ZNF615: variants seen among roughly 807,000 people sequenced by gnomAD.
ZNF615 encodes zinc finger protein 615.
A neutral mutation model predicts 15.3 loss-of-function variants in ZNF615; 15 were observed. That is an observed-to-expected ratio of 0.98 (90% CI 0.66 to 1.51). The LOEUF (loss-of-function observed/expected upper bound fraction) is 1.51. Among genes scored for constraint, ZNF615 ranks in the 40% most tolerant of loss-of-function variants. The pLI, the probability that ZNF615 is intolerant of heterozygous loss-of-function variation, is 0.00. For missense variants in ZNF615, 848 were observed against 895.9 expected (o/e 0.95, Z 0.68); for synonymous variants, 268 against 294.6 (o/e 0.91, Z 0.92).
Position 52,002,201 on chromosome 19 carries a change from C to G in ZNF615, c.96G>C (p.Leu32=), listed in dbSNP as rs767957576. 1.9e-6 allele frequency: 3 copies of G among 1,614,222 alleles called. No homozygotes were observed. Among genetic ancestry groups the G allele is most frequent in the South Asian group, 2.2e-5 (2 of 91,090 alleles). ...AGTTCTCCAACATCACGTCCCGGTA[C>G]AGGTCCTTCTGAGCAGGGCTCAGGA... ...WQFLSPAQKD[L]YRDVMLENYS... Residue 32 remains leucine, a synonymous_variant, in exon 4 of 7, where the codon CTG becomes CTC. Coordinates refer to ENST00000598071, the MANE Select transcript of ZNF615 (RefSeq NM_001199324.2).
chr19:51,994,336 A>C lies in ZNF615; in HGVS notation c.773T>G (p.Leu258Arg). The change falls in exon 7 of 7, where the codon CTA becomes CGA. Residue 258 changes from leucine to arginine, a missense_variant. Leu to Arg is a moderately radical substitution (Grantham distance 102). Transcript: ENST00000598071. ...TGTATGAGTTCTCTGATGGTCCATTAGTCTGGATTTTCTGGAGAAAGCTTT... is the reference window on the plus strand; with the variant it reads ...TGTATGAGTTCTCTGATGGTCCATTCGTCTGGATTTTCTGGAGAAAGCTTT... Reference protein sequence around the residue: ...CGKAFSRKSRLMDHQRTHTEL... With the variant: ...CGKAFSRKSRRMDHQRTHTEL... 6.2e-7 allele frequency: 1 copy of C among 1,614,130 alleles called. No individual in the cohort carries two copies. The highest frequency in any genetic ancestry group is 1.1e-5 in the South Asian group (1 of 91,076).
rs775848108 is a variant in ZNF615, at chr19:51,994,795, T to C, written c.314A>G (p.Asn105Ser). The part of the protein sequence containing the change: ...IDDPLQHHLQ[N>S]QSIQKSVKQC... ...TTTCACACTCTTCTGAATACTTTGATTTTGCAAGTGATGCTGCAGAGGATC... is the reference window on the plus strand; with the variant it reads ...TTTCACACTCTTCTGAATACTTTGACTTTGCAAGTGATGCTGCAGAGGATC... Residue 105 changes from asparagine (N) to serine (S), a missense_variant, in exon 7 of 7, where the codon AAT becomes AGT. By Grantham distance (46) the Asn-to-Ser change is conservative. Transcript: ENST00000598071. 3.1e-6 allele frequency: 5 copies of C among 1,601,724 alleles called. No individual in the cohort carries two copies. The highest frequency in any genetic ancestry group is 4.3e-6 in the Non-Finnish European group (5 of 1,175,200).
At chr19:51,998,321 A>AT (rs1291477512) in intron 6 of ZNF615, among the ~76,000 whole-genome samples, 2 of 151,992 alleles carry the variant, frequency 1.3e-5, no homozygotes, top group African/African-American at 4.8e-5. Context: ...CTCCAGGGTC[A>AT]TTTTTCAACT....
intron 6 of ZNF615, 196 bp downstream of exon 6, chr19:52,000,150 C>T (rs2086548697): frequency 2.5e-6 from 1 of 402,372 alleles, no homozygotes; most frequent in African/African-American, 2.1e-5. Flanking sequence ...TGTATTCTCA[C>T]TTGTAGGCAA....
intron 2 of ZNF615, among the ~76,000 whole-genome samples, chr19:52,006,728 G>C (rs2086763178): frequency 6.6e-6 from 1 of 152,130 alleles, no homozygotes; most frequent in Non-Finnish European, 1.5e-5. Context: ...CTAATACAAT[G>C]TTAATGGTAA....
intron 6 of ZNF615, among the ~76,000 whole-genome samples, chr19:51,996,915 G>C (rs2086458038): frequency 6.6e-6 from 1 of 152,168 alleles, no homozygotes; most frequent in Non-Finnish European, 1.5e-5. Context: ...GTAAGTACGT[G>C]AGGTAGTATA....
chr19:52,003,848 G>A lies in ZNF615; in HGVS notation c.-137C>T. On this transcript the variant is annotated 5_prime_UTR_variant, in exon 3 of 7. Transcript: ENST00000598071. The stretch of plus-strand genomic sequence containing the variant: ...CAGAAATGATGACACCCAAGTCTTG[G>A]AAACTCCGCCTCCTTCCTTCACTTG... 1.3e-6 allele frequency: 2 copies of A among 1,500,512 alleles called. No individual in the cohort carries two copies. Among genetic ancestry groups the A allele is most frequent in the Non-Finnish European group, 1.8e-6 (2 of 1,128,644 alleles). 92.9% of individuals were successfully genotyped at this position (1,500,512 alleles called of 1,614,324 possible). A position where few individuals can be genotyped will look rare whatever the true frequency, so the allele number is the denominator to read the frequency against.
Position 51,992,448 on chromosome 19 carries a change from T to C in ZNF615, c.*432A>G, listed in dbSNP as rs555464433. 2 of 155,304 alleles carry C rather than the reference T, an allele frequency of 1.3e-5. No homozygotes were observed. The highest frequency in any genetic ancestry group is 2.8e-5 in the Non-Finnish European group (2 of 70,504). 9.6% of individuals were successfully genotyped at this position (155,304 alleles called of 1,614,324 possible). Reference sequence around the variant, plus strand: ...GTTTTCATAAGTTTTTTCTGCATTATTTCCTAGCACACGATGAGGCAAAAC... The same window carrying C: ...GTTTTCATAAGTTTTTTCTGCATTACTTCCTAGCACACGATGAGGCAAAAC... On this transcript the variant is annotated 3_prime_UTR_variant, in exon 7 of 7. Coordinates refer to ENST00000598071, the MANE Select transcript of ZNF615 (RefSeq NM_001199324.2).
At chr19:52,002,788 C>T (rs780386575) in intron 3 of ZNF615, among the ~76,000 whole-genome samples, 3 of 150,718 alleles carry the variant, frequency 2.0e-5, no homozygotes, top group Admixed American at 6.6e-5. Flanking sequence ...GTATAAAGCA[C>T]AAAGATTATT....
Position 51,993,355 on chromosome 19 carries a change from C to A in ZNF615, c.1754G>T (p.Gly585Val), listed in dbSNP as rs534082819. 1 of 1,614,026 alleles carries A rather than the reference C, an allele frequency of 6.2e-7. No individual in the cohort carries two copies. Among genetic ancestry groups the A allele is most frequent in the East Asian group, 2.2e-5 (1 of 44,872 alleles). ...GEKPYVCSECGKGLTGKSMLI... is the reference protein window; with the variant it reads ...GEKPYVCSECVKGLTGKSMLI... ...CATGCTTTTCCCAGTTAAGCCTTTG[C>A]CACATTCACTGCATACATAGGGTTT... Residue 585 changes from glycine to valine, a missense_variant, in exon 7 of 7, where the codon GGC (glycine) becomes GTC (valine). Physicochemically the swap from Gly to Val is moderately radical, Grantham distance 109 (BLOSUM62 -3). Coordinates refer to ENST00000598071, the MANE Select transcript of ZNF615 (RefSeq NM_001199324.2).
At chr19:51,996,709 G>C (rs1364777880) in intron 6 of ZNF615, among the ~76,000 whole-genome samples, 1 of 152,208 alleles carries the variant, frequency 6.6e-6, no homozygotes, top group African/African-American at 2.4e-5. Flanking sequence ...TGAAGGCACA[G>C]GGCCAGGGAT....
At chr19:52,003,610 A>G in intron 3 of ZNF615, 87 bp downstream of exon 3, 1 of 1,279,850 alleles carries the variant, frequency 7.8e-7, no homozygotes, top group East Asian at 2.3e-5. Flanking sequence ...TCCAATTTAT[A>G]CTTTTCTGAT....
intron 5 of ZNF615, among the ~76,000 whole-genome samples, chr19:52,001,416 A>G (rs764729896): frequency 5.3e-5 from 8 of 151,992 alleles, no homozygotes; most frequent in South Asian, 2.1e-4. Flanking sequence ...TCAAGAGATC[A>G]AGACCATCCT....
chr19:51,996,407 A>AAAAAAAAAAAAAAAAAAAAAAAAAC (rs755143397), intron 6 of ZNF615, among the ~76,000 whole-genome samples: 3 of 138,290 alleles, frequency 2.2e-5, no homozygotes, highest in Admixed American at 8.0e-5. Context: ...AAAAAAAAAA[A>AAAAAAAAAAAAAAAAAAAAAAAAAC]ACGCAAAACT....
In ZNF615 at chr19:52,000,380, TAAAATAAA is replaced by T. The variant is rs1012156598; in HGVS notation, c.239-10_239-3del. The T allele has an allele frequency of 8.0e-6, 5 of 624,684 alleles. No homozygotes were observed. In the African/African-American group the frequency reaches 9.1e-5, roughly 11 times the overall value. 38.7% of individuals were successfully genotyped at this position (624,684 alleles called of 1,614,324 possible). ...CACCTCCTGATGCACCTCCTGAATC[TAAAATAAA>T]AACATAAAAGATAAAATAAAATTAA... On this transcript the variant is annotated splice_polypyrimidine_tract_variant and splice_region_variant and intron_variant, in intron 5 of 6. Coordinates refer to ENST00000598071, the MANE Select transcript of ZNF615 (RefSeq NM_001199324.2).
rs753190125 is a variant in ZNF615 at position 51,994,173 on chromosome 19, A to G, written c.936T>C (p.Cys312=). 11 of 1,613,930 alleles carry G rather than the reference A, an allele frequency of 6.8e-6. No homozygotes were observed. In the South Asian group the frequency reaches 9.9e-5, roughly 14 times the overall value. ...GAGTTCGTTGATGATAAATGAGCCG[A>G]CACTTCTTGATGAAGGCTTTCCCAC... ...SQCGKAFIKK[C]RLIYHQRTHT... The change falls in exon 7 of 7, where the codon TGT becomes TGC. Residue 312 remains cysteine, a synonymous_variant. Coordinates refer to ENST00000598071, the MANE Select transcript of ZNF615 (RefSeq NM_001199324.2).
At chr19:52,007,464 A>G in intron 1 of ZNF615, 134 bp from the exon 2 acceptor site, 1 of 414,470 alleles carries the variant, frequency 2.4e-6, no homozygotes, top group South Asian at 2.1e-5. Context: ...ATTTCTGAGG[A>G]TTCAAGACCA....
chr19:51,994,596 T>A lies in ZNF615; in HGVS notation c.513A>T (p.Arg171Ser), dbSNP rs1195407171. Residue 171 changes from arginine to serine, a missense_variant, in exon 7 of 7, where the codon AGA becomes AGT. Arg to Ser is a moderately radical substitution (Grantham distance 110, BLOSUM62 -1). Transcript: ENST00000598071. ...TAGCATGAAAAAGGGATTTCCCATC[T>A]CTATTAAACTCAGCAGAGTTCTTTA... ...SGLKNSAEFN[R>S]DGKSLFHANH... The A allele has an allele frequency of 1.2e-6, 2 of 1,613,784 alleles. No homozygotes were observed. The highest frequency in any genetic ancestry group is 1.3e-5 in the African/African-American group (1 of 74,942).
rs1198634644 is a variant in ZNF615, at chr19:52,007,275, T to C, written c.-190+18A>G. On this transcript the variant is annotated intron_variant, in intron 2 of 6. Coordinates refer to ENST00000598071, the MANE Select transcript of ZNF615 (RefSeq NM_001199324.2). ...TCTGAAAATTTGACAAAGGTTATCT[T>C]TGAGTAACCGAGCTTACCATGGCAG... is the stretch of plus-strand genomic sequence containing the variant. 3 of 1,285,120 alleles carry C rather than the reference T, an allele frequency of 2.3e-6. No homozygotes were observed. Among genetic ancestry groups the C allele is most frequent in the South Asian group, 2.5e-5 (2 of 80,732 alleles). 79.6% of individuals were successfully genotyped at this position (1,285,120 alleles called of 1,614,324 possible). A position where few individuals can be genotyped will look rare whatever the true frequency, so the allele number is the denominator to read the frequency against.
Sources: allele counts gnomAD v4.1 joint callset (sites outside exome capture counted in the v4.1 genomes callset), GRCh38; gene constraint gnomAD v4.1.1; transcripts MANE v1.5; gene names NCBI Gene and HGNC (gene_info 2026-07-23, HGNC 2026-07-21).